The following HELZ variants were observed in gnomAD, a reference collection of about 807,000 sequenced individuals.
HELZ encodes the protein ATP-dependent RNA helicase with zinc finger domain.
A neutral mutation model predicts 218.2 loss-of-function variants in HELZ; 23 were observed. The observed-to-expected ratio is 0.11, with a 90% CI of 0.08 to 0.15. The LOEUF (loss-of-function observed/expected upper bound fraction) is 0.15. HELZ is among the 10% of genes least tolerant of loss of function. The probability of loss-of-function intolerance (pLI) is 1.00; values close to 1 mark genes in which losing one functional copy is unlikely to be tolerated. For synonymous variants in HELZ, 814 were observed against 829.4 expected (o/e 0.98, Z 0.32); for missense variants, 1,813 against 2,353.7 (o/e 0.77, Z 4.75).
intron 3 of HELZ, among the ~76,000 whole-genome samples, chr17:67,223,187 G>A (rs1050815047): frequency 2.6e-5 from 4 of 151,990 alleles, no homozygotes; most frequent in African/African-American, 9.7e-5. Flanking sequence ...ATGAACCCGG[G>A]AGGCAGAGCT....
At chr17:67,150,983 ATC>A in intron 18 of HELZ, 61 bp downstream of exon 18, 3 of 1,451,642 alleles carry the variant, frequency 2.1e-6, no homozygotes. Context: ...TAGTTTGCCA[ATC>A]CCAGTCTAAA....
intron 5 of HELZ, among the ~76,000 whole-genome samples, chr17:67,214,255 A>ATT (rs1186094772): frequency 1.9e-5 from 2 of 106,880 alleles, no homozygotes; most frequent in Non-Finnish European, 2.0e-5. Context: ...TTAAATTAAT[A>ATT]TTTCTTTTTT....
At chr17:67,223,796 C>G (rs1479264310) in intron 3 of HELZ, among the ~76,000 whole-genome samples, 2 of 152,106 alleles carry the variant, frequency 1.3e-5, no homozygotes, top group East Asian at 3.9e-4. Context: ...GAACATAAAA[C>G]ACTAATTTCC....
At chr17:67,182,023 T>C (rs1052448473) in intron 12 of HELZ, among the ~76,000 whole-genome samples, 4 of 152,098 alleles carry the variant, frequency 2.6e-5, no homozygotes, top group Admixed American at 2.0e-4. Context: ...CTGGGGCTCT[T>C]TGTCATCTCC....
intron 31 of HELZ, among the ~76,000 whole-genome samples, chr17:67,089,784 T>A (rs1277799861): frequency 1.3e-5 from 2 of 149,970 alleles, no homozygotes; most frequent in Admixed American, 1.3e-4. Context: ...CTTGCTAAAT[T>A]CACATTAGTT....
chr17:67,096,651 T>C (rs1354235021), intron 31 of HELZ, among the ~76,000 whole-genome samples: 1 of 152,228 alleles, frequency 6.6e-6, no homozygotes, highest in Non-Finnish European at 1.5e-5. Flanking sequence ...CCAACTTTTC[T>C]TCTCCAGCTT....
chr17:67,122,841 AAAG>A (rs1394889467), intron 26 of HELZ, 126 bp downstream of exon 26: 15 of 613,014 alleles, frequency 2.4e-5, no homozygotes, highest in Middle Eastern at 4.4e-4. Flanking sequence ...ATTTGCTTTA[AAAG>A]AAGATTATCA....
chr17:67,145,967 A>C, intron 20 of HELZ, 77 bp from the exon 21 acceptor site: 1 of 1,182,180 alleles, frequency 8.5e-7, no homozygotes, highest in Non-Finnish European at 1.2e-6. Context: ...AAAAAAAATC[A>C]GTCGATTCTA....
rs777724225 is a variant in HELZ at position 67,107,290 on chromosome 17, T to A, written c.5120A>T (p.His1707Leu). ...TACAAAAGGGTTCTGCGGTGGCCTG[T>A]GAGGCAATGGAGGTAGGCCATAGGG... ...GFPYGLPPLP[H>L]RPPQNPFVQI... is the part of the protein sequence containing the mutation. The change falls in exon 31 of 33, where the codon CAC (histidine) becomes CTC (leucine). Residue 1707 changes from histidine (H) to leucine (L), a missense_variant. Coordinates refer to ENST00000358691, the MANE Select transcript of HELZ (RefSeq NM_014877.4). The A allele has an allele frequency of 2.5e-6, 4 of 1,614,146 alleles. No homozygotes were observed. The highest frequency in any genetic ancestry group is 3.4e-6 in the Non-Finnish European group (4 of 1,180,036).
At position 67,107,298 on chromosome 17, in the gene HELZ, T is replaced by C. The variant is rs1421117556; in HGVS notation, c.5112A>G (p.Pro1704=). The change falls in exon 31 of 33, where the codon CCA becomes CCG. Residue 1704 remains proline (P), a synonymous_variant. Transcript: ENST00000358691. ...MGPGFPYGLP[P]LPHRPPQNPF... is the part of the protein sequence containing the mutation. ...GGTTCTGCGGTGGCCTGTGAGGCAA[T>C]GGAGGTAGGCCATAGGGAAAACCTG... The C allele has an allele frequency of 3.7e-6, 6 of 1,614,034 alleles. No individual in the cohort carries two copies. The highest frequency in any genetic ancestry group is 3.3e-5 in the South Asian group (3 of 91,086).
intron 9 of HELZ, among the ~76,000 whole-genome samples, chr17:67,190,988 G>A (rs2039879905): frequency 6.6e-6 from 1 of 152,164 alleles, no homozygotes; most frequent in African/African-American, 2.4e-5. Context: ...GATTATAGGC[G>A]TGAGCCACCA....
chr17:67,129,286 C>T (rs1342678934), intron 23 of HELZ, among the ~76,000 whole-genome samples: 1 of 151,824 alleles, frequency 6.6e-6, no homozygotes, highest in Non-Finnish European at 1.5e-5. Context: ...GAATATAAAT[C>T]ACATAATTCT....
At chr17:67,117,083 G>A (rs2143801480) in intron 27 of HELZ, among the ~76,000 whole-genome samples, 1 of 152,052 alleles carries the variant, frequency 6.6e-6, no homozygotes, top group East Asian at 1.9e-4. Flanking sequence ...TCAAACTCCT[G>A]ACCTCAGGTG....
chr17:67,117,295 G>A (rs1027515854), intron 27 of HELZ, among the ~76,000 whole-genome samples: 2 of 152,052 alleles, frequency 1.3e-5, no homozygotes, highest in African/African-American at 4.8e-5. Context: ...TAACACAATG[G>A]AATTAAAGTA....
chr17:67,141,249 T>C (rs947948657), intron 21 of HELZ, among the ~76,000 whole-genome samples: 7 of 152,298 alleles, frequency 4.6e-5, no homozygotes, highest in African/African-American at 7.2e-5. Flanking sequence ...CATATGTATA[T>C]AATTGTATTG....
intron 23 of HELZ, among the ~76,000 whole-genome samples, chr17:67,131,713 C>T (rs1045606981): frequency 7.2e-5 from 11 of 152,054 alleles, no homozygotes; most frequent in African/African-American, 1.9e-4. Context: ...CAAAGTGGGG[C>T]GCCAGCACTA....
intron 21 of HELZ, among the ~76,000 whole-genome samples, chr17:67,140,561 G>T (rs1373461612): frequency 6.6e-6 from 1 of 152,086 alleles, no homozygotes; most frequent in African/African-American, 2.4e-5. Flanking sequence ...AAGTAATGCA[G>T]AAAAAATAGC....
intron 2 of HELZ, among the ~76,000 whole-genome samples, chr17:67,241,061 T>G (rs1288058965): frequency 6.6e-6 from 1 of 152,212 alleles, no homozygotes; most frequent in Non-Finnish European, 1.5e-5. Context: ...TTCTAGCCAA[T>G]GCTACAGAAG....
At chr17:67,245,384 C>A (rs764482928), upstream of HELZ, 46 of 785,710 alleles carry the variant, frequency 5.9e-5, no homozygotes, top group Non-Finnish European at 7.1e-5. Flanking sequence ...TGAAAATTCA[C>A]CCGCATTTTT....
Sources: gnomAD v4.1 joint callset for allele counts (sites outside exome capture counted in the v4.1 genomes callset) on GRCh38, gnomAD v4.1.1 for gene constraint, MANE v1.5 for transcripts, NCBI Gene and HGNC (gene_info 2026-07-23, HGNC 2026-07-21) for gene names.